GRXCR2: variants seen among roughly 807,000 people sequenced by gnomAD.
GRXCR2 encodes the protein glutaredoxin and cysteine rich domain containing 2.
A neutral mutation model predicts 24.8 loss-of-function variants in GRXCR2; 23 were observed. That is an observed-to-expected ratio of 0.93 (90% CI 0.67 to 1.32). The LOEUF is 1.32. Among genes scored for constraint, GRXCR2 ranks in the 40% most tolerant of loss-of-function variants. The probability of loss-of-function intolerance (pLI) is 0.00; values close to 1 mark genes in which losing one functional copy is unlikely to be tolerated. For synonymous variants in GRXCR2, 130 were observed against 116.1 expected, an observed-to-expected ratio of 1.12 and a Z score of -0.77; for missense variants, 315 against 303.4, an observed-to-expected ratio of 1.04 and a Z score of -0.28.
intron 2 of GRXCR2, among the ~76,000 whole-genome samples, chr5:145,883,469 T>C (rs1374949615): frequency 1.3e-5 from 2 of 152,222 alleles, no homozygotes; most frequent in African/African-American, 4.8e-5. Flanking sequence ...CATGTAATTT[T>C]ATTGTAAAAG....
intron 2 of GRXCR2, among the ~76,000 whole-genome samples, chr5:145,912,849 A>G (rs1757185486): frequency 6.6e-6 from 1 of 152,104 alleles, no homozygotes; most frequent in Admixed American, 6.5e-5. Flanking sequence ...GAACTCAGAG[A>G]CAGAAGTAGG....
intron 2 of GRXCR2, among the ~76,000 whole-genome samples, chr5:145,891,827 A>T (rs1489606379): frequency 1.3e-5 from 2 of 152,132 alleles, no homozygotes; most frequent in South Asian, 4.1e-4. Flanking sequence ...AAAAGGACAG[A>T]CTGCCTCCTC....
chr5:145,873,562 T>C (rs1323177043), upstream of GRXCR2, among the ~76,000 whole-genome samples: 2 of 152,152 alleles, frequency 1.3e-5, no homozygotes, highest in African/African-American at 2.4e-5. Context: ...TGAACCCAGA[T>C]CTATCTGACT....
intron 2 of GRXCR2, among the ~76,000 whole-genome samples, chr5:145,884,628 G>GAA (rs5871945): frequency 2.7e-5 from 4 of 147,974 alleles, no homozygotes; most frequent in African/African-American, 9.8e-5. Context: ...AAGTAAAAAT[G>GAA]AAAAAAAAAA....
chr5:145,861,361 C>T (rs1192624743), intron 2 of GRXCR2, among the ~76,000 whole-genome samples: 1 of 152,166 alleles, frequency 6.6e-6, no homozygotes, highest in Non-Finnish European at 1.5e-5. Context: ...AATTTTTTGT[C>T]ACTTCTTTCA....
chr5:145,885,876 T>C (rs1193459509), intron 2 of GRXCR2, among the ~76,000 whole-genome samples: 1 of 152,194 alleles, frequency 6.6e-6, no homozygotes, highest in Admixed American at 6.5e-5. Context: ...TACTGCTTAC[T>C]GGGCATGTTC....
At chr5:145,891,489 C>G (rs752397062) in intron 2 of GRXCR2, among the ~76,000 whole-genome samples, 2 of 152,210 alleles carry the variant, frequency 1.3e-5, no homozygotes, top group African/African-American at 4.8e-5. Flanking sequence ...AGATTATATC[C>G]TGTGCCTGGC....
At chr5:145,880,744 G>C (rs629724) in intron 2 of GRXCR2, among the ~76,000 whole-genome samples, 14,921 of 152,084 alleles carry the variant, frequency 0.098, 1,555 homozygotes, top group African/African-American at 0.26. Flanking sequence ...AATTTTAGAC[G>C]AATATCCCTG....
upstream of GRXCR2, among the ~76,000 whole-genome samples, chr5:145,873,710 G>A (rs1430533617): frequency 6.6e-6 from 1 of 152,140 alleles, no homozygotes; most frequent in Admixed American, 6.6e-5. Flanking sequence ...CTGGATTCTG[G>A]GCCTTCTCCC....
At chr5:145,882,782 T>A (rs1342520659) in intron 2 of GRXCR2, among the ~76,000 whole-genome samples, 3 of 152,050 alleles carry the variant, frequency 2.0e-5, no homozygotes, top group African/African-American at 7.2e-5. Context: ...CAAATGTCCA[T>A]CAGTGATAGA....
intron 2 of GRXCR2, among the ~76,000 whole-genome samples, chr5:145,886,821 A>G (rs986450296): frequency 1.3e-5 from 2 of 152,204 alleles, no homozygotes; most frequent in Non-Finnish European, 2.9e-5. Flanking sequence ...AAATGTTATC[A>G]ATGCAACATG....
intron 2 of GRXCR2, among the ~76,000 whole-genome samples, chr5:145,901,148 G>A (rs529632386): frequency 6.8e-6 from 1 of 146,120 alleles, no homozygotes; most frequent in Non-Finnish European, 1.5e-5. Flanking sequence ...GACTACTAGA[G>A]GGGGGAAGGA....
At chr5:145,877,843 ATTTGCTGTTCTGCAATC>A (rs779531203), upstream of GRXCR2, among the ~76,000 whole-genome samples, 1 of 152,184 alleles carries the variant, frequency 6.6e-6, no homozygotes, top group African/African-American at 2.4e-5. Flanking sequence ...AGGCAGCAAT[ATTTGCTGTTCTGCAATC>A]TTTGCTGTTC....
rs2220572 is a variant in GRXCR2, at chr5:145,900,144, G to A, written c.-69-33416C>T. On this transcript the variant is annotated intron_variant, in intron 2 of 3. Transcript: ENST00000639411. ...CCCTGCCCTAATCTCATGTTGAATT[G>A]TAATCCCCAATGTTGGAGGAGGGGG... 3.2e-3 allele frequency among the ~76,000 whole-genome samples: 489 copies of A among 152,172 alleles called. 6 individuals carry two copies. Among genetic ancestry groups the A allele is most frequent in the African/African-American group, 0.011 (469 of 41,534 alleles).
At chr5:145,915,952 A>G (rs1443028515) in intron 2 of GRXCR2, among the ~76,000 whole-genome samples, 3 of 152,200 alleles carry the variant, frequency 2.0e-5, no homozygotes, top group Non-Finnish European at 2.9e-5. Context: ...CAAATGCACA[A>G]CTGGTCAACA....
At chr5:145,869,489 G>T (rs967048533) in intron 1 of GRXCR2, among the ~76,000 whole-genome samples, 2 of 151,886 alleles carry the variant, frequency 1.3e-5, no homozygotes, top group African/African-American at 4.8e-5. Flanking sequence ...TATTACAATG[G>T]TGGGTAACAT....
chr5:145,876,462 A>G (rs1382170259), upstream of GRXCR2, among the ~76,000 whole-genome samples: 1 of 151,572 alleles, frequency 6.6e-6, no homozygotes, highest in Non-Finnish European at 1.5e-5. Flanking sequence ...TGCCATGAAA[A>G]AGATTGGGAA....
intron 2 of GRXCR2, among the ~76,000 whole-genome samples, chr5:145,897,170 T>A (rs1312283917): frequency 6.6e-6 from 1 of 151,270 alleles, no homozygotes; most frequent in Non-Finnish European, 1.5e-5. Flanking sequence ...GAGATACACC[T>A]AATGTTAAAT....
At chr5:145,879,892 C>A (rs1291407907) in intron 2 of GRXCR2, among the ~76,000 whole-genome samples, 2 of 152,168 alleles carry the variant, frequency 1.3e-5, no homozygotes, top group Non-Finnish European at 2.9e-5. Context: ...AAGAAACTCA[C>A]TCAAAACCGC....
Sources: gnomAD v4.1 joint callset for allele counts (sites outside exome capture counted in the v4.1 genomes callset) on GRCh38, gnomAD v4.1.1 for gene constraint, MANE v1.5 for transcripts, NCBI Gene and HGNC (gene_info 2026-07-23, HGNC 2026-07-21) for gene names.